Variants in TMPRSS15 observed in about 807,000 individuals in gnomAD.
TMPRSS15 encodes enteropeptidase.
TMPRSS15 carries 128 observed loss-of-function variants against 125.3 expected under a neutral mutation model. The ratio of observed to expected loss-of-function variants is 1.02; its 90% CI spans 0.89 to 1.18. The LOEUF is 1.18. Among genes scored for constraint, TMPRSS15 ranks in the 50% most tolerant of loss-of-function variants. The pLI is 0.00. For missense variants in TMPRSS15, 1,283 were observed against 1,212.7 expected (o/e 1.06, Z -0.86); for synonymous variants, 446 against 423.2 (o/e 1.05, Z -0.66).
At chr21:18,345,518 G>C (rs2075495645) in intron 10 of TMPRSS15, among the ~76,000 whole-genome samples, 2 of 151,222 alleles carry the variant, frequency 1.3e-5, no homozygotes, top group African/African-American at 4.9e-5. Context: ...GAGGCGGGCG[G>C]ATCACGAGGT....
At chr21:18,387,427 T>C (rs2075953461) in intron 3 of TMPRSS15, among the ~76,000 whole-genome samples, 1 of 152,148 alleles carries the variant, frequency 6.6e-6, no homozygotes. Flanking sequence ...CTTTGTGGCT[T>C]ATCTGTGCTC....
At chr21:18,457,454 T>C (rs1311043279) in intron 1 of TMPRSS15, among the ~76,000 whole-genome samples, 1 of 152,118 alleles carries the variant, frequency 6.6e-6, no homozygotes, top group Non-Finnish European at 1.5e-5. Context: ...TGATGGGGAC[T>C]TGTCATTAAA....
chr21:18,456,243 G>A (rs1020750115), intron 1 of TMPRSS15, among the ~76,000 whole-genome samples: 3 of 152,036 alleles, frequency 2.0e-5, no homozygotes, highest in East Asian at 1.9e-4. Context: ...TCTCCTTTAG[G>A]AGATTCCTTA....
At chr21:18,300,560 G>C (rs1026127032) in intron 18 of TMPRSS15, among the ~76,000 whole-genome samples, 1 of 151,634 alleles carries the variant, frequency 6.6e-6, no homozygotes, top group Non-Finnish European at 1.5e-5. Flanking sequence ...GGCCAGGCTA[G>C]TCGTGAACTC....
chr21:18,315,391 G>A, intron 16 of TMPRSS15, 135 bp from the exon 17 acceptor site: 1 of 695,730 alleles, frequency 1.4e-6, no homozygotes, highest in Non-Finnish European at 2.5e-6. Flanking sequence ...TTGATACTGA[G>A]TAAATGAGAG....
intron 1 of TMPRSS15, among the ~76,000 whole-genome samples, chr21:18,461,191 C>T (rs2122952346): frequency 4.6e-5 from 7 of 152,176 alleles, no homozygotes; most frequent in Non-Finnish European, 7.3e-5. Context: ...CCATCCATCA[C>T]GATTGCCTAA....
chr21:18,417,078 A>C (rs1049032115), intron 1 of TMPRSS15, among the ~76,000 whole-genome samples: 1 of 152,130 alleles, frequency 6.6e-6, no homozygotes, highest in Non-Finnish European at 1.5e-5. Context: ...CTATAATAAG[A>C]AAAAAATCAT....
chr21:18,309,242 A>T (rs1182180156), intron 18 of TMPRSS15, among the ~76,000 whole-genome samples: 2 of 152,164 alleles, frequency 1.3e-5, no homozygotes, highest in Non-Finnish European at 2.9e-5. Flanking sequence ...CTTACACCTT[A>T]TACAAAAATT....
intron 1 of TMPRSS15, among the ~76,000 whole-genome samples, chr21:18,455,117 A>C (rs1978414408): frequency 6.6e-6 from 1 of 151,286 alleles, no homozygotes; most frequent in South Asian, 2.1e-4. Context: ...TCCTTCCTTC[A>C]CTCCTGCCAC....
chr21:18,475,587 G>A (rs191253797), intron 1 of TMPRSS15, among the ~76,000 whole-genome samples: 20 of 152,232 alleles, frequency 1.3e-4, no homozygotes, highest in Admixed American at 3.3e-4. Flanking sequence ...GCAAGACTCT[G>A]TCTCAAAAAA....
rs540448739 is a variant in TMPRSS15 at position 18,324,584 on chromosome 21, T to G, written c.1921+1848A>C. 2.6e-5 allele frequency among the ~76,000 whole-genome samples: 4 copies of G among 152,282 alleles called. No individual in the cohort carries two copies. In the East Asian group the frequency reaches 7.7e-4, roughly 29 times the overall value. On this transcript the variant is annotated intron_variant, in intron 16 of 24. Coordinates refer to ENST00000284885, the MANE Select transcript of TMPRSS15 (RefSeq NM_002772.3). ...GGAGCTGGTACTGTGCAAAGACTAT[T>G]CTATCAGGAGCCAAATATTATATAA...
chr21:18,285,671 C>A (rs2074754079), intron 21 of TMPRSS15, among the ~76,000 whole-genome samples: 1 of 152,126 alleles, frequency 6.6e-6, no homozygotes, highest in South Asian at 2.1e-4. Context: ...GAATATCGGG[C>A]AATTCTGAAA....
At chr21:18,384,891 G>A (rs1428397171) in intron 3 of TMPRSS15, among the ~76,000 whole-genome samples, 1 of 152,132 alleles carries the variant, frequency 6.6e-6, no homozygotes, top group Non-Finnish European at 1.5e-5. Context: ...TATCTTGATA[G>A]AACCTACAGT....
intron 1 of TMPRSS15, among the ~76,000 whole-genome samples, chr21:18,450,484 C>T (rs2076265772): frequency 6.6e-6 from 1 of 152,134 alleles, no homozygotes; most frequent in Non-Finnish European, 1.5e-5. Context: ...ATTATACCAT[C>T]CCTTGACAAT....
chr21:18,327,453 G>T (rs561864501), intron 15 of TMPRSS15, among the ~76,000 whole-genome samples: 5 of 152,188 alleles, frequency 3.3e-5, no homozygotes, highest in Non-Finnish European at 5.9e-5. Context: ...TTCTTTATTT[G>T]TTCTATGTGT....
intron 4 of TMPRSS15, among the ~76,000 whole-genome samples, chr21:18,380,292 G>T (rs2123044021): frequency 6.6e-6 from 1 of 151,018 alleles, no homozygotes; most frequent in Admixed American, 6.6e-5. Flanking sequence ...ATATATATTT[G>T]TATATAAAGT....
At chr21:18,314,664 A>G (rs1601321109) in intron 17 of TMPRSS15, among the ~76,000 whole-genome samples, 2 of 152,248 alleles carry the variant, frequency 1.3e-5, no homozygotes, top group South Asian at 4.1e-4. Flanking sequence ...ATATTTGCTT[A>G]GAAATAAAAA....
At chr21:18,401,444 C>T (rs781261843) in intron 1 of TMPRSS15, among the ~76,000 whole-genome samples, 1 of 152,074 alleles carries the variant, frequency 6.6e-6, no homozygotes, top group Non-Finnish European at 1.5e-5. Context: ...ATGGATGCAG[C>T]TAGAGGCCAT....
At chr21:18,367,840 C>A (rs2075753054) in intron 6 of TMPRSS15, among the ~76,000 whole-genome samples, 1 of 152,048 alleles carries the variant, frequency 6.6e-6, no homozygotes, top group African/African-American at 2.4e-5. Flanking sequence ...TCCTAGCTTA[C>A]AAGCAACAAT....
Sources: allele counts gnomAD v4.1 joint callset (sites outside exome capture counted in the v4.1 genomes callset), GRCh38; gene constraint gnomAD v4.1.1; transcripts MANE v1.5; gene names NCBI Gene and HGNC (gene_info 2026-07-23, HGNC 2026-07-21).